The following TENM2 variants were observed in gnomAD, a reference collection of about 807,000 sequenced individuals.
TENM2 encodes teneurin transmembrane protein 2.
Under a neutral mutation model 245.2 loss-of-function variants are expected in TENM2, and 52 were observed. The ratio of observed to expected loss-of-function variants is 0.21; its 90% confidence interval spans 0.17 to 0.27. TENM2 has a LOEUF of 0.27. Among genes scored for constraint, TENM2 ranks in the 10% least tolerant of loss-of-function variants. TENM2 has a pLI of 1.00. For missense variants in TENM2, 3,046 were observed against 3,666.8 expected (o/e 0.83, Z 4.37); for synonymous variants, 1,363 against 1,438.9 (o/e 0.95, Z 1.19).
At chr5:167,347,093 G>A (rs990644747) in intron 1 of TENM2, among the ~76,000 whole-genome samples, 7 of 150,710 alleles carry the variant, frequency 4.6e-5, no homozygotes, top group African/African-American at 9.8e-5. Context: ...AGAGAAACAC[G>A]AGAAAAGCCA....
the TENM2 span, among the ~76,000 whole-genome samples, chr5:166,979,362 ATTTTTT>A: frequency 6.6e-6 from 1 of 151,230 alleles, no homozygotes; most frequent in Non-Finnish European, 1.5e-5. Context: ...CTTTGGGATT[ATTTTTT>A]TTCCCCTTCT....
intron 23 of TENM2, among the ~76,000 whole-genome samples, chr5:168,224,837 G>A (rs781285131): frequency 6.6e-6 from 1 of 152,106 alleles, no homozygotes; most frequent in Non-Finnish European, 1.5e-5. Context: ...ATCTGGGAGA[G>A]CTCAAAGGCC....
chr5:167,197,857 T>C, the TENM2 span, among the ~76,000 whole-genome samples: 1 of 151,918 alleles, frequency 6.6e-6, no homozygotes, highest in Non-Finnish European at 1.5e-5. Flanking sequence ...TAAATACATA[T>C]ATACATGTGT....
intron 2 of TENM2, among the ~76,000 whole-genome samples, chr5:167,725,200 T>C (rs1201255581): frequency 3.3e-5 from 5 of 152,258 alleles, no homozygotes; most frequent in Admixed American, 2.6e-4. Context: ...TGGTCAAGTG[T>C]TTTCCCCTGG....
At position 167,612,051 on chromosome 5, in the gene TENM2, A is replaced by T. The variant is rs1047877931; in HGVS notation, c.502+236578A>T. On this transcript the variant is annotated intron_variant, in intron 2 of 28. Transcript: ENST00000518659. ...ACCCTACAAGTCTGTCTCGCTGTTCATTTTAGTTTACATAAAAAATGAATT... is the reference window on the plus strand; with the variant it reads ...ACCCTACAAGTCTGTCTCGCTGTTCTTTTTAGTTTACATAAAAAATGAATT... Among the ~76,000 whole-genome samples the T allele has an allele frequency of 2.0e-5, 3 of 152,110 alleles. No individual in the cohort carries two copies. The East Asian group carries it at 5.8e-4, about 29-fold the overall frequency.
At chr5:167,142,701 C>T in the TENM2 span, among the ~76,000 whole-genome samples, 2 of 152,194 alleles carry the variant, frequency 1.3e-5, no homozygotes, top group Admixed American at 1.3e-4. Flanking sequence ...CAGGCACGCA[C>T]CACTATGCCC....
intron 27 of TENM2, among the ~76,000 whole-genome samples, chr5:168,254,995 C>T (rs1221257106): frequency 1.3e-5 from 2 of 151,038 alleles, no homozygotes; most frequent in Non-Finnish European, 2.9e-5. Flanking sequence ...TGCAGTGAGA[C>T]GAGGTCACAC....
intron 4 of TENM2, among the ~76,000 whole-genome samples, chr5:167,967,334 G>A (rs1408735123): frequency 6.6e-6 from 1 of 152,072 alleles, no homozygotes; most frequent in Non-Finnish European, 1.5e-5. Context: ...TATGGCTTGT[G>A]GTGTTAAACA....
At chr5:168,114,015 C>G (rs1044768290) in intron 9 of TENM2, among the ~76,000 whole-genome samples, 1 of 152,144 alleles carries the variant, frequency 6.6e-6, no homozygotes, top group African/African-American at 2.4e-5. Flanking sequence ...ATTTGACATA[C>G]GTCTGGTGAT....
chr5:168,124,148 T>C (rs979262304), intron 10 of TENM2, among the ~76,000 whole-genome samples: 2 of 152,210 alleles, frequency 1.3e-5, no homozygotes, highest in African/African-American at 4.8e-5. Context: ...GGTCAGTGCC[T>C]CAGCCAGAGA....
At chr5:167,830,132 T>A (rs1768339159) in intron 2 of TENM2, among the ~76,000 whole-genome samples, 1 of 152,324 alleles carries the variant, frequency 6.6e-6, no homozygotes, top group South Asian at 2.1e-4. Context: ...ATACTTTCAA[T>A]TTAAGAATGT....
intron 8 of TENM2, among the ~76,000 whole-genome samples, chr5:168,094,721 C>A (rs1016401633): frequency 6.6e-6 from 1 of 151,940 alleles, no homozygotes; most frequent in South Asian, 2.1e-4. Context: ...TCATAAGGAG[C>A]ATGCAACCCA....
chr5:167,960,946 G>A (rs903628280), intron 4 of TENM2, among the ~76,000 whole-genome samples: 3 of 152,222 alleles, frequency 2.0e-5, no homozygotes, highest in Non-Finnish European at 4.4e-5. Context: ...CCCTTGGCTA[G>A]AGGAGGGAGT....
At chr5:167,063,174 T>C in the TENM2 span, among the ~76,000 whole-genome samples, 1 of 152,186 alleles carries the variant, frequency 6.6e-6, no homozygotes, top group Non-Finnish European at 1.5e-5. Context: ...CATCTCAATA[T>C]CTGTTTCTGG....
chr5:167,374,978 A>G (rs1416899289), intron 1 of TENM2, among the ~76,000 whole-genome samples: 4 of 152,090 alleles, frequency 2.6e-5, no homozygotes, highest in African/African-American at 9.7e-5. Context: ...AAATCTGAGC[A>G]TTTTGTCCTA....
At chr5:167,142,025 G>T in the TENM2 span, among the ~76,000 whole-genome samples, 53 of 152,136 alleles carry the variant, frequency 3.5e-4, no homozygotes, top group African/African-American at 1.3e-3. Context: ...AAACTCGGAG[G>T]GGGGGGATGA....
At chr5:167,505,577 TACTC>T (rs1021192452) in intron 2 of TENM2, among the ~76,000 whole-genome samples, 2 of 152,196 alleles carry the variant, frequency 1.3e-5, no homozygotes, top group African/African-American at 4.8e-5. Context: ...TGTTTTAAAA[TACTC>T]AATTTGTATG....
chr5:168,128,863 A>G (rs1313313783), intron 12 of TENM2: 1 of 151,312 alleles, frequency 6.6e-6, no homozygotes, highest in African/African-American at 2.4e-5. Flanking sequence ...GGACACCCAC[A>G]CCCATTCACT....
At chr5:167,967,172 G>C (rs1318605875) in intron 4 of TENM2, 2 of 151,566 alleles carry the variant, frequency 1.3e-5, no homozygotes, top group Non-Finnish European at 2.9e-5. Context: ...TTTTTTCTTG[G>C]CAGATGGAAA....
Sources: allele counts gnomAD v4.1 joint callset (sites outside exome capture counted in the v4.1 genomes callset), GRCh38; gene constraint gnomAD v4.1.1; transcripts MANE v1.5; gene names NCBI Gene and HGNC (gene_info 2026-07-23, HGNC 2026-07-21).